EML6: variants seen among roughly 807,000 people sequenced by gnomAD.
EML6 encodes EMAP like 6, also known as echinoderm microtubule-associated protein-like 6.
In EML6, 154 loss-of-function variants were observed where a neutral mutation model predicts 240.1. That is an observed-to-expected ratio of 0.64 (90% CI 0.56 to 0.73). The LOEUF (loss-of-function observed/expected upper bound fraction) is 0.73. EML6 is among the 30% of genes least tolerant of loss of function. EML6 has a pLI of 0.00. For synonymous variants in EML6, 1,148 were observed against 899.0 expected (o/e 1.28, Z -4.95); for missense variants, 2,964 against 2,474.6 (o/e 1.20, Z -4.20).
At chr2:54,939,877 G>C (rs897537513) in intron 28 of EML6, among the ~76,000 whole-genome samples, 3 of 152,192 alleles carry the variant, frequency 2.0e-5, no homozygotes, top group Non-Finnish European at 4.4e-5. Context: ...CCACTATAGA[G>C]GCAACTTAAC....
At chr2:54,967,303 G>A (rs1676790730) in intron 39 of EML6, 200 bp downstream of exon 39, 1 of 374,976 alleles carries the variant, frequency 2.7e-6, no homozygotes, top group Admixed American at 4.1e-5. Flanking sequence ...TTTTTGAAAT[G>A]CGAAGCCCCT....
intron 28 of EML6, among the ~76,000 whole-genome samples, chr2:54,937,010 T>C (rs969562332): frequency 9.9e-5 from 14 of 140,910 alleles, no homozygotes; most frequent in African/African-American, 3.5e-4. Context: ...CCGGGCACAG[T>C]GGCTCACGCC....
chr2:54,897,407 A>G (rs1020581792), intron 21 of EML6, among the ~76,000 whole-genome samples: 2 of 152,228 alleles, frequency 1.3e-5, no homozygotes, highest in African/African-American at 4.8e-5. Context: ...CCGTTGTACG[A>G]CATTTGTCTC....
intron 2 of EML6, among the ~76,000 whole-genome samples, chr2:54,769,030 A>G (rs897664110): frequency 2.2e-4 from 34 of 152,224 alleles, no homozygotes; most frequent in African/African-American, 8.0e-4. Flanking sequence ...TGGGTAGTTA[A>G]GAACCACACT....
At chr2:54,768,816 A>G (rs907195096) in intron 2 of EML6, among the ~76,000 whole-genome samples, 1 of 152,172 alleles carries the variant, frequency 6.6e-6, no homozygotes, top group Non-Finnish European at 1.5e-5. Context: ...TTTTCTACTC[A>G]AAGTTTTTTT....
At chr2:54,945,742 A>T (rs568684048) in intron 28 of EML6, among the ~76,000 whole-genome samples, 1 of 152,198 alleles carries the variant, frequency 6.6e-6, no homozygotes, top group Non-Finnish European at 1.5e-5. Flanking sequence ...GAAAGGAGGG[A>T]CAAGTACCCA....
intron 17 of EML6, among the ~76,000 whole-genome samples, chr2:54,884,946 G>T (rs1672041183): frequency 6.6e-6 from 1 of 152,138 alleles, no homozygotes; most frequent in Non-Finnish European, 1.5e-5. Context: ...GGCTGAGGCA[G>T]GTGGATCACT....
At chr2:54,814,436 G>A (rs1031434414) in intron 3 of EML6, among the ~76,000 whole-genome samples, 27 of 152,174 alleles carry the variant, frequency 1.8e-4, no homozygotes, top group African/African-American at 6.5e-4. Flanking sequence ...AAGTAAAAAC[G>A]GAGGGGTCAT....
intron 7 of EML6, among the ~76,000 whole-genome samples, chr2:54,837,742 G>A (rs776127714): frequency 1.3e-5 from 2 of 152,200 alleles, no homozygotes; most frequent in Non-Finnish European, 2.9e-5. Context: ...GCAGGCAGTG[G>A]TTCTCAGCCC....
At chr2:54,744,138 G>C (rs1463664538) in intron 2 of EML6, among the ~76,000 whole-genome samples, 1 of 150,198 alleles carries the variant, frequency 6.7e-6, no homozygotes, top group African/African-American at 2.4e-5. Context: ...TGTGGGGGGT[G>C]GGGGGAATCT....
chr2:54,806,792 C>T (rs1348909880), intron 2 of EML6, among the ~76,000 whole-genome samples: 3 of 151,858 alleles, frequency 2.0e-5, no homozygotes, highest in African/African-American at 7.3e-5. Flanking sequence ...CTCATAGTAC[C>T]TACTTTCTTT....
rs1677046252 is a variant in EML6 at position 54,971,961 on chromosome 2, T to A, written c.*1866T>A. The A allele has an allele frequency of 6.6e-6, 1 of 152,230 alleles. No homozygotes were observed. The highest frequency in any genetic ancestry group is 1.5e-5 in the Non-Finnish European group (1 of 68,044). 9.4% of individuals were successfully genotyped at this position (152,230 alleles called of 1,614,324 possible). ...AAAACATTGGTGCATGAATTTATTTTCAAAGTATAAAACACATCACTTAAA... is the reference window on the plus strand; with the variant it reads ...AAAACATTGGTGCATGAATTTATTTACAAAGTATAAAACACATCACTTAAA... On this transcript the variant is annotated 3_prime_UTR_variant, in exon 42 of 42. Coordinates refer to ENST00000356458, the MANE Select transcript of EML6 (RefSeq NM_001039753.4).
chr2:54,866,209 A>G (rs1469574886), intron 13 of EML6, among the ~76,000 whole-genome samples: 2 of 152,244 alleles, frequency 1.3e-5, no homozygotes, highest in Admixed American at 6.5e-5. Context: ...ATTTCTTGGT[A>G]GTAAAGTATA....
At chr2:54,837,047 A>G (rs1669190505) in intron 7 of EML6, among the ~76,000 whole-genome samples, 1 of 151,926 alleles carries the variant, frequency 6.6e-6, no homozygotes. Flanking sequence ...CACACCCTCT[A>G]CCAATACTCC....
chr2:54,940,171 A>T (rs1675356744), intron 28 of EML6, among the ~76,000 whole-genome samples: 1 of 152,228 alleles, frequency 6.6e-6, no homozygotes, highest in Non-Finnish European at 1.5e-5. Context: ...ATTCCACTGT[A>T]GTATTAGCAT....
rs183826203 is a variant in EML6, at chr2:54,856,378, A to C, written c.1657+2523A>C. Reference sequence around the variant, plus strand: ...GAGACTCAGAGGCTCTCCATGTTCCACCTGGTGCACCCGTTCCATTCCTCC... The same window carrying C: ...GAGACTCAGAGGCTCTCCATGTTCCCCCTGGTGCACCCGTTCCATTCCTCC... On this transcript the variant is annotated intron_variant, in intron 11 of 41. Coordinates refer to ENST00000356458, the MANE Select transcript of EML6 (RefSeq NM_001039753.4). 3.5e-4 allele frequency among the ~76,000 whole-genome samples: 54 copies of C among 152,170 alleles called. 3 individuals are homozygous for C. The East Asian group carries it at 8.9e-3, about 25-fold the overall frequency.
In EML6 at chr2:54,725,172, C is replaced by T; in HGVS notation, c.111C>T (p.Val37=). Residue 37 remains valine, a synonymous_variant, in exon 2 of 42, where the codon GTC becomes GTT. Coordinates refer to ENST00000356458, the MANE Select transcript of EML6 (RefSeq NM_001039753.4). This position sits in a 1 kb window ranked among gnomAD's most constrained non-coding sequence, Gnocchi z 4.3. ...ACTACACGGCAGGCAAGGAGGTGGTCTACTTTGTGGCTGGGGTCGGGGTGG... is the reference window on the plus strand; with the variant it reads ...ACTACACGGCAGGCAAGGAGGTGGTTTACTTTGTGGCTGGGGTCGGGGTGG... ...NLYYTAGKEV[V]YFVAGVGVVY... 6.5e-7 allele frequency: 1 copy of T among 1,531,820 alleles called. No individual in the cohort carries two copies. Among genetic ancestry groups the T allele is most frequent in the Non-Finnish European group, 8.8e-7 (1 of 1,137,192 alleles). 94.9% of individuals were successfully genotyped at this position (1,531,820 alleles called of 1,614,324 possible). A position where few individuals can be genotyped will look rare whatever the true frequency, so the allele number is the denominator to read the frequency against.
intron 2 of EML6, among the ~76,000 whole-genome samples, chr2:54,751,232 C>T (rs559521373): frequency 6.6e-4 from 100 of 152,276 alleles, no homozygotes; most frequent in Non-Finnish European, 1.2e-3. Context: ...TGTTAAATAG[C>T]AAATATGAAA....
intron 5 of EML6, among the ~76,000 whole-genome samples, chr2:54,821,660 G>A (rs923850388): frequency 6.6e-6 from 1 of 151,968 alleles, no homozygotes; most frequent in African/African-American, 2.4e-5. Context: ...TAATTTAAAT[G>A]ATACAAGACT....
Sources: allele counts gnomAD v4.1 joint callset (sites outside exome capture counted in the v4.1 genomes callset), GRCh38; gene constraint gnomAD v4.1.1; non-coding constraint Gnocchi (gnomAD v3.1); transcripts MANE v1.5; gene names NCBI Gene and HGNC (gene_info 2026-07-23, HGNC 2026-07-21).